RAPGEF5: variants seen among roughly 807,000 people sequenced by gnomAD.
RAPGEF5 encodes M-Ras-regulated GEF.
RAPGEF5 carries 65 observed loss-of-function variants against 125.2 expected under a neutral mutation model. The observed-to-expected ratio is 0.52, with a 90% CI of 0.43 to 0.64. The LOEUF is 0.64. Ranked by LOEUF, RAPGEF5 falls within the 30% of genes least tolerant of loss-of-function variation. The pLI is 0.00. For missense variants in RAPGEF5, 958 were observed against 1,048.1 expected, an observed-to-expected ratio of 0.91 and a Z score of 1.19; for synonymous variants, 391 against 385.9, an observed-to-expected ratio of 1.01 and a Z score of -0.16.
chr7:22,278,735 C>A (rs115200905), intron 6 of RAPGEF5, among the ~76,000 whole-genome samples: 2,352 of 149,276 alleles, frequency 0.016, 60 homozygotes, highest in African/African-American at 0.055. Context: ...ACTTCGGTTC[C>A]ATACTAGATG....
In RAPGEF5 at chr7:22,157,838, T is replaced by C. The variant is rs2128110061; in HGVS notation, c.1557+17A>G. The C allele has an allele frequency of 3.1e-6, 5 of 1,607,722 alleles. No homozygotes were observed. Among genetic ancestry groups the C allele is most frequent in the African/African-American group, 1.3e-5 (1 of 74,922 alleles). On this transcript the variant is annotated intron_variant, in intron 15 of 25. Coordinates refer to ENST00000665637, the MANE Select transcript of RAPGEF5 (RefSeq NM_012294.5). ...AAACCGGATCACCTAATTTTAGGTA[T>C]AGAAGCATCTGCTTACCTTTTTTTG...
intron 1 of RAPGEF5, among the ~76,000 whole-genome samples, chr7:22,328,666 G>T (rs1181766694): frequency 6.6e-6 from 1 of 152,196 alleles, no homozygotes; most frequent in Admixed American, 6.5e-5. Flanking sequence ...ACAGAAAACA[G>T]CAAATTAAAA....
Position 22,291,219 on chromosome 7 carries a change from A to G in RAPGEF5, c.703T>C (p.Ser235Pro). 1 of 1,572,342 alleles carries G rather than the reference A, an allele frequency of 6.4e-7. No individual in the cohort carries two copies. Among genetic ancestry groups the G allele is most frequent in the Non-Finnish European group, 8.6e-7 (1 of 1,160,962 alleles). The change falls in exon 6 of 26, where the codon TCC becomes CCC. Residue 235 changes from serine to proline, a missense_variant. Ser to Pro is a moderately conservative substitution (Grantham distance 74). Transcript: ENST00000665637. Reference protein sequence around the residue: ...CELSHQKIEDSEESSDEILVR... With the variant: ...CELSHQKIEDPEESSDEILVR... ...AGAATTTCATCACTGCTTTCTTCGG[A>G]GTCTTCAATTTTCTGATGAGACCTA... is the stretch of plus-strand genomic sequence containing the variant.
At chr7:22,166,969 T>C in intron 12 of RAPGEF5, 101 bp downstream of exon 12, 2 of 911,970 alleles carry the variant, frequency 2.2e-6, no homozygotes, top group Non-Finnish European at 3.5e-6. Context: ...ATCCACATTC[T>C]ACTATGGGGT....
chr7:22,180,017 T>G (rs2128121163), intron 11 of RAPGEF5, among the ~76,000 whole-genome samples: 1 of 152,348 alleles, frequency 6.6e-6, no homozygotes, highest in East Asian at 1.9e-4. Flanking sequence ...CAAAGTTGCT[T>G]TCACTTTACT....
At chr7:22,329,937 T>C (rs1783882626) in intron 1 of RAPGEF5, among the ~76,000 whole-genome samples, 1 of 152,142 alleles carries the variant, frequency 6.6e-6, no homozygotes, top group South Asian at 2.1e-4. Context: ...CTCTTCAGGG[T>C]CAGCAACTTA....
intron 9 of RAPGEF5, among the ~76,000 whole-genome samples, chr7:22,199,693 A>C (rs1405135285): frequency 6.6e-6 from 1 of 152,068 alleles, no homozygotes; most frequent in East Asian, 1.9e-4. Context: ...AGGTCCGAGA[A>C]AGAAGAGTTC....
chr7:22,203,758 G>A (rs1021558533), intron 9 of RAPGEF5, among the ~76,000 whole-genome samples: 1 of 152,150 alleles, frequency 6.6e-6, no homozygotes, highest in Non-Finnish European at 1.5e-5. Context: ...TGTGGACCAG[G>A]GCTCCTCAGC....
chr7:22,190,821 C>T (rs1361239962), intron 11 of RAPGEF5, among the ~76,000 whole-genome samples: 1 of 152,202 alleles, frequency 6.6e-6, no homozygotes, highest in East Asian at 1.9e-4. Flanking sequence ...GAATCCAGAA[C>T]AGGCTCATCC....
intron 11 of RAPGEF5, chr7:22,191,423 C>T: frequency 5.5e-6 from 2 of 361,930 alleles, no homozygotes; most frequent in Non-Finnish European, 5.8e-6. Flanking sequence ...AAGTTGTTAC[C>T]ATTTTGCCAC....
chr7:22,215,932 A>T (rs1785627250), intron 9 of RAPGEF5, among the ~76,000 whole-genome samples: 1 of 152,308 alleles, frequency 6.6e-6, no homozygotes, highest in East Asian at 1.9e-4. Flanking sequence ...AAGCAAGGGA[A>T]ATGGCTTACA....
At chr7:22,337,039 G>C (rs10276593) in intron 1 of RAPGEF5, among the ~76,000 whole-genome samples, 30,950 of 152,168 alleles carry the variant, frequency 0.2, 3,340 homozygotes, top group Admixed American at 0.23. Context: ...TGCCCAGATA[G>C]AGCCGAATTG....
chr7:22,217,044 T>C (rs572661498), intron 9 of RAPGEF5, among the ~76,000 whole-genome samples: 1 of 152,372 alleles, frequency 6.6e-6, no homozygotes, highest in African/African-American at 2.4e-5. Context: ...CTCTTTGGCA[T>C]CTATGTGGCA....
chr7:22,172,770 G>A (rs1349392903), intron 11 of RAPGEF5, among the ~76,000 whole-genome samples: 1 of 152,168 alleles, frequency 6.6e-6, no homozygotes, highest in African/African-American at 2.4e-5. Flanking sequence ...AAACCCTGAA[G>A]TCTAAAAATC....
intron 11 of RAPGEF5, among the ~76,000 whole-genome samples, chr7:22,173,430 C>T (rs896690740): frequency 6.6e-6 from 1 of 152,142 alleles, no homozygotes; most frequent in African/African-American, 2.4e-5. Context: ...TCTAACATAA[C>T]CAAATCTTGA....
intron 9 of RAPGEF5, among the ~76,000 whole-genome samples, chr7:22,195,102 T>C (rs1785116236): frequency 6.6e-6 from 1 of 152,212 alleles, no homozygotes; most frequent in African/African-American, 2.4e-5. Context: ...ACTATGTGCT[T>C]AGGGCTCCTA....
At chr7:22,151,582 A>C (rs1479755673) in intron 17 of RAPGEF5, among the ~76,000 whole-genome samples, 2 of 150,626 alleles carry the variant, frequency 1.3e-5, no homozygotes, top group Non-Finnish European at 2.9e-5. Flanking sequence ...CTCCAACCTC[A>C]GCCTCCCGAG....
chr7:22,209,597 TTTAATGA>T (rs1785465797), intron 9 of RAPGEF5, among the ~76,000 whole-genome samples: 3 of 152,312 alleles, frequency 2.0e-5, no homozygotes, highest in Admixed American at 2.0e-4. Flanking sequence ...CAGATGGGTG[TTTAATGA>T]GAAGAACTGA....
At chr7:22,144,917 T>G in intron 20 of RAPGEF5, 127 bp downstream of exon 20, 1 of 1,065,078 alleles carries the variant, frequency 9.4e-7, no homozygotes, top group African/African-American at 1.6e-5. Context: ...TTTCAGCCAT[T>G]TAGTCATTTA....
Sources: gnomAD v4.1 joint callset for allele counts (sites outside exome capture counted in the v4.1 genomes callset) on GRCh38, gnomAD v4.1.1 for gene constraint, MANE v1.5 for transcripts, NCBI Gene and HGNC (gene_info 2026-07-23, HGNC 2026-07-21) for gene names.